Variants in MPHOSPH8 observed in about 807,000 individuals in gnomAD.
MPHOSPH8 encodes the protein M-phase phosphoprotein, mpp.
In MPHOSPH8, 45 loss-of-function variants were observed where a neutral mutation model predicts 87.3. That is an observed-to-expected ratio of 0.52 (90% confidence interval 0.41 to 0.66). MPHOSPH8 has a LOEUF of 0.66. Ranked by LOEUF, MPHOSPH8 falls within the 30% of genes least tolerant of loss-of-function variation. The pLI is 0.00. For missense variants in MPHOSPH8, 883 were observed against 1,020.2 expected (o/e 0.87, Z 1.83); for synonymous variants, 366 against 376.9 (o/e 0.97, Z 0.33).
At chr13:19,665,383 C>T (rs528694233) in intron 9 of MPHOSPH8, among the ~76,000 whole-genome samples, 13 of 152,266 alleles carry the variant, frequency 8.5e-5, no homozygotes, top group Non-Finnish European at 1.8e-4. Flanking sequence ...TTGGTCCTTA[C>T]CAGAGTGGGC....
chr13:19,645,525 A>T (rs753837278), intron 2 of MPHOSPH8, among the ~76,000 whole-genome samples: 2 of 152,020 alleles, frequency 1.3e-5, no homozygotes, highest in Admixed American at 6.6e-5. Flanking sequence ...TAATCCTAGC[A>T]CTTTGGGAGG....
chr13:19,650,383 T>G, intron 5 of MPHOSPH8, 123 bp downstream of exon 5: 2 of 1,121,664 alleles, frequency 1.8e-6, no homozygotes, highest in Non-Finnish European at 2.5e-6. Flanking sequence ...TTTATTTGGA[T>G]CTCCTGAATA....
In MPHOSPH8 at chr13:19,671,997, G is replaced by C. The variant is rs1565946129; in HGVS notation, c.*122G>C. 6.0e-6 allele frequency: 6 copies of C among 993,490 alleles called. No individual in the cohort carries two copies. The highest frequency in any genetic ancestry group is 9.3e-6 in the Non-Finnish European group (6 of 645,950). The allele number at this position is 993,490 out of a possible 1,614,324, so 61.5% of individuals were successfully genotyped here. On this transcript the variant is annotated 3_prime_UTR_variant, in exon 14 of 14. Coordinates refer to ENST00000361479, the MANE Select transcript of MPHOSPH8 (RefSeq NM_017520.4). ...TTGTCTGTAAACCTCTTGCAGTTAA[G>C]CCTGTTGTCTGTTGTAGTCTGTAAG...
chr13:19,657,140 AAAG>A lies in MPHOSPH8; in HGVS notation c.1577-1854_1577-1852del, dbSNP rs1173482762. 1.6e-4 allele frequency among the ~76,000 whole-genome samples: 24 copies of A among 151,248 alleles called. 1 individual carries two copies. Among genetic ancestry groups the A allele is most frequent in the Admixed American group, 5.3e-4 (8 of 15,182 alleles). On this transcript the variant is annotated intron_variant, in intron 5 of 13. Transcript: ENST00000361479. ...CTGTCTCAAAAAAAAAAAAAAAAAA[AAAG>A]GCCTGTATGGAGAAAATTTTAAAGA...
intron 12 of MPHOSPH8, 110 bp downstream of exon 12, chr13:19,670,473 G>A (rs1876064403): frequency 2.4e-6 from 3 of 1,237,852 alleles, no homozygotes; most frequent in Non-Finnish European, 3.3e-6. Context: ...TTCAGAAAAC[G>A]ATCCAGTAAT....
rs3210772 is a variant in MPHOSPH8, at chr13:19,673,088, G to T, written c.*1213G>T. On this transcript the variant is annotated 3_prime_UTR_variant, in exon 14 of 14. Transcript: ENST00000361479. ...AAAAAAGTTTCTTGGAACCTATACG[G>T]TTTTTTTTTGTTTTTTTTTTTTGAA... 0.039 allele frequency: 11,311 copies of T among 292,166 alleles called. 228 individuals carry two copies. The highest frequency in any genetic ancestry group is 0.065 in the Middle Eastern group (174 of 2,670). 18.1% of individuals were successfully genotyped at this position (292,166 alleles called of 1,614,324 possible). A position where few individuals can be genotyped will look rare whatever the true frequency, so the allele number is the denominator to read the frequency against.
Position 19,659,182 on chromosome 13 carries a change from A to AT in MPHOSPH8, c.1703-13dup, listed in dbSNP as rs757740376. 6.8e-6 allele frequency: 11 copies of AT among 1,608,696 alleles called. No homozygotes were observed. Among genetic ancestry groups the AT allele is most frequent in the Non-Finnish European group, 9.3e-6 (11 of 1,177,986 alleles). On this transcript the variant is annotated intron_variant, in intron 6 of 13. Transcript: ENST00000361479. ...AATCTAGATTTATAAAATCTAACTT[A>AT]TTTTTTCTTTCATTTTAGATGTGTT...
At position 19,650,014 on chromosome 13, in the gene MPHOSPH8, A is replaced by G. The variant is rs760701331; in HGVS notation, c.1330A>G (p.Ile444Val). The change falls in exon 5 of 14, where the codon ATC becomes GTC. Residue 444 changes from isoleucine (I) to valine (V), a missense_variant. This residue lies in a region of MPHOSPH8 where 741 missense variants were observed against 841.5 expected (regional missense o/e 0.88). Transcript: ENST00000361479. ...EPKGLKTLKE[I>V]RNAFDLFKLT... ...AATTTTTTCGTTAGCACTTAAGGAAATCAGAAATGCATTTGATTTATTTAA... is the reference window on the plus strand; with the variant it reads ...AATTTTTTCGTTAGCACTTAAGGAAGTCAGAAATGCATTTGATTTATTTAA... 1.9e-6 allele frequency: 3 copies of G among 1,588,908 alleles called. No homozygotes were observed. The highest frequency in any genetic ancestry group is 3.6e-5 in the Admixed American group (2 of 55,188).
At chr13:19,671,038 C>A in intron 12 of MPHOSPH8, 168 bp from the exon 13 acceptor site, 1 of 1,403,300 alleles carries the variant, frequency 7.1e-7, no homozygotes. Context: ...CCAGGCTGGT[C>A]TCAAACTTCT....
chr13:19,661,875 A>G (rs1875549996), intron 8 of MPHOSPH8, 37 bp downstream of exon 8: 2 of 1,567,382 alleles, frequency 1.3e-6, no homozygotes, highest in East Asian at 2.3e-5. Flanking sequence ...CAGAGCTTTC[A>G]TGGTATTCCT....
At chr13:19,670,740 G>T in intron 12 of MPHOSPH8, 1 of 1,189,212 alleles carries the variant, frequency 8.4e-7, no homozygotes. Context: ...ACTGTATATT[G>T]CTGGGGGCAT....
chr13:19,643,439 GTC>G (rs768769075), intron 2 of MPHOSPH8, among the ~76,000 whole-genome samples: 6 of 151,894 alleles, frequency 4.0e-5, no homozygotes, highest in African/African-American at 7.3e-5. Flanking sequence ...CAGAGACAGG[GTC>G]TCTCTCTATT....
intron 7 of MPHOSPH8, 32 bp from the exon 8 acceptor site, chr13:19,661,666 T>G (rs768581003): frequency 1.3e-6 from 2 of 1,560,616 alleles, no homozygotes; most frequent in South Asian, 1.2e-5. Context: ...GACTAAAGAT[T>G]AACACGTTTT....
At chr13:19,650,322 T>C (rs191207485) in intron 5 of MPHOSPH8, 62 bp downstream of exon 5, 2 of 1,522,738 alleles carry the variant, frequency 1.3e-6, no homozygotes, top group African/African-American at 2.8e-5. Flanking sequence ...TTTACTGTAC[T>C]CTTCTCTGTA....
chr13:19,660,828 T>C, intron 7 of MPHOSPH8: 1 of 600,442 alleles, frequency 1.7e-6, no homozygotes, highest in Non-Finnish European at 2.1e-6. Flanking sequence ...ATGAAATTCT[T>C]ATAGTTTTTA....
intron 9 of MPHOSPH8, among the ~76,000 whole-genome samples, chr13:19,666,094 G>A (rs1875799981): frequency 6.6e-6 from 1 of 152,226 alleles, no homozygotes; most frequent in African/African-American, 2.4e-5. Flanking sequence ...GCAGGGGACT[G>A]CTTAGCAAGG....
chr13:19,653,250 T>A (rs1440891262), intron 5 of MPHOSPH8, among the ~76,000 whole-genome samples: 2 of 152,226 alleles, frequency 1.3e-5, no homozygotes, highest in Non-Finnish European at 2.9e-5. Flanking sequence ...CAGCAATCTT[T>A]GCTGTTCTGC....
At chr13:19,634,482 G>A (rs960782536) in intron 1 of MPHOSPH8, among the ~76,000 whole-genome samples, 4 of 152,158 alleles carry the variant, frequency 2.6e-5, no homozygotes, top group African/African-American at 9.7e-5. Flanking sequence ...CCTATGCGTT[G>A]TATAGCTCGC....
In MPHOSPH8 at chr13:19,666,548, G is replaced by C. The variant is rs1430538419; in HGVS notation, c.2143G>C (p.Val715Leu). The change falls in exon 10 of 14, where the codon GTG becomes CTG. Residue 715 changes from valine to leucine, a missense_variant. This residue lies in a region of MPHOSPH8 where 741 missense variants were observed against 841.5 expected (regional missense o/e 0.88). Coordinates refer to ENST00000361479, the MANE Select transcript of MPHOSPH8 (RefSeq NM_017520.4). ...TGCGAAGCAGTCTAACAATGTGCTT[G>C]TGTACGACTTGCTGAAGAACCATTT... ...HFAKQSNNVL[V>L]YDLLKNHLET... The C allele has an allele frequency of 6.3e-7, 1 of 1,592,034 alleles. No homozygotes were observed. Among genetic ancestry groups the C allele is most frequent in the Non-Finnish European group, 8.6e-7 (1 of 1,162,174 alleles).
Sources: gnomAD v4.1 joint callset for allele counts (sites outside exome capture counted in the v4.1 genomes callset) on GRCh38, gnomAD v4.1.1 for gene constraint, gnomAD v4.1.1 regional missense constraint, MANE v1.5 for transcripts, NCBI Gene and HGNC (gene_info 2026-07-23, HGNC 2026-07-21) for gene names.